Variants in HIVEP3 observed in about 807,000 individuals in gnomAD.
The protein encoded by HIVEP3 is transcription factor HIVEP3.
In HIVEP3, 49 loss-of-function variants were observed where a neutral mutation model predicts 152.8. The ratio of observed to expected loss-of-function variants is 0.32; its 90% CI spans 0.26 to 0.41. The LOEUF is 0.41. Ranked by LOEUF, HIVEP3 falls within the 10% of genes least tolerant of loss-of-function variation. The probability of loss-of-function intolerance (pLI) is 1.00; values close to 1 mark genes in which losing one functional copy is unlikely to be tolerated. For missense variants in HIVEP3, 2,790 were observed against 3,103.3 expected (o/e 0.90, Z 2.40); for synonymous variants, 1,269 against 1,289.0 (o/e 0.98, Z 0.33).
In HIVEP3 at chr1:41,580,906, C is replaced by T; in HGVS notation, c.3892G>A (p.Ala1298Thr). 1 of 1,612,592 alleles carries T rather than the reference C, an allele frequency of 6.2e-7. No homozygotes were observed. The highest frequency in any genetic ancestry group is 8.5e-7 in the Non-Finnish European group (1 of 1,179,422). ...GCCAGTGGAGGAGCTGATGTAGGTG[C>T]TGAGGAGCTGGCTGGGGGAGCCACA... ...PPVAPPASSS[A>T]PTSAPPLALP... Residue 1298 changes from alanine (A) to threonine (T), a missense_variant, in exon 4 of 9, where the codon GCA (alanine) becomes ACA (threonine). By Grantham distance (58) the Ala-to-Thr change is moderately conservative. Around this residue, in one of 9 missense-constraint regions of HIVEP3, gnomAD observed 1,078 missense variants for 1,165.3 expected, o/e 0.93. Transcript: ENST00000372583.
At chr1:41,811,750 A>G (rs1650974686) in intron 1 of HIVEP3, among the ~76,000 whole-genome samples, 1 of 152,112 alleles carries the variant, frequency 6.6e-6, no homozygotes, top group Non-Finnish European at 1.5e-5. Context: ...ATTTGGAGGC[A>G]TAAAGTCAGG....
intron 1 of HIVEP3, among the ~76,000 whole-genome samples, chr1:41,969,060 G>A (rs1036358612): frequency 9.9e-5 from 15 of 152,030 alleles, no homozygotes; most frequent in African/African-American, 3.4e-4. Flanking sequence ...AAATCAGAGA[G>A]GACAAAAACA....
At position 41,849,863 on chromosome 1, in the gene HIVEP3, G is replaced by A. The variant is rs112762681; in HGVS notation, c.-801+68550C>T. ...GCACCACCATGCCCAGCTAATTTTT[G>A]TATTTTTAGTAGACATGGGGTTTCA... On this transcript the variant is annotated intron_variant, in intron 1 of 8. Coordinates refer to ENST00000372583, the MANE Select transcript of HIVEP3 (RefSeq NM_024503.5). 3.0e-4 allele frequency among the ~76,000 whole-genome samples: 46 copies of A among 152,086 alleles called. 2 individuals are homozygous for A. Among genetic ancestry groups the A allele is most frequent in the African/African-American group, 1.1e-3 (44 of 41,502 alleles).
At chr1:41,734,354 C>T (rs934637224) in intron 1 of HIVEP3, among the ~76,000 whole-genome samples, 12 of 152,226 alleles carry the variant, frequency 7.9e-5, no homozygotes, top group African/African-American at 2.4e-4. Context: ...CCAGCTGGCA[C>T]GCACATGGCC....
intron 2 of HIVEP3, among the ~76,000 whole-genome samples, chr1:41,660,167 G>A (rs570152523): frequency 3.3e-5 from 5 of 152,238 alleles, no homozygotes; most frequent in African/African-American, 1.2e-4. Context: ...GTGTTTGAGT[G>A]TGTAAGAGTG....
chr1:41,943,155 C>T (rs183941836), intron 1 of HIVEP3, among the ~76,000 whole-genome samples: 3,134 of 152,190 alleles, frequency 0.021, 66 homozygotes, highest in Non-Finnish European at 0.025. Context: ...ATCCACCTGC[C>T]TCGGCCTCCC....
At chr1:41,515,380 C>A (rs1196394188) in intron 7 of HIVEP3, among the ~76,000 whole-genome samples, 1 of 152,154 alleles carries the variant, frequency 6.6e-6, no homozygotes, top group Non-Finnish European at 1.5e-5. Flanking sequence ...AAAAGGAGGC[C>A]CCTGAGGCTA....
chr1:41,587,561 G>A (rs545616242), intron 3 of HIVEP3, among the ~76,000 whole-genome samples: 5 of 152,302 alleles, frequency 3.3e-5, no homozygotes, highest in South Asian at 4.1e-4. Context: ...TTTGCCTTAC[G>A]GCCAAAACTA....
At chr1:41,723,398 T>A (rs953060577) in intron 1 of HIVEP3, among the ~76,000 whole-genome samples, 3 of 151,820 alleles carry the variant, frequency 2.0e-5, no homozygotes, top group African/African-American at 7.3e-5. Context: ...GGGAACTCCA[T>A]GAAATACTAA....
Position 41,747,455 on chromosome 1 carries a change from A to G in HIVEP3, c.-800-46460T>C, listed in dbSNP as rs147629795. Among the ~76,000 whole-genome samples, 103 of 152,352 alleles carry G rather than the reference A, an allele frequency of 6.8e-4. No homozygotes were observed. The East Asian group carries it at 0.013, about 19-fold the overall frequency. On this transcript the variant is annotated intron_variant, in intron 1 of 8. Coordinates refer to ENST00000372583, the MANE Select transcript of HIVEP3 (RefSeq NM_024503.5). Reference sequence around the variant, plus strand: ...TCTGGCAGGGGGATGAGGAAAGTGGAAAGAATCCATTTTTTCCTGATTATA... The same window carrying G: ...TCTGGCAGGGGGATGAGGAAAGTGGGAAGAATCCATTTTTTCCTGATTATA...
At chr1:42,021,222 G>A (rs1645551800) in intron 1 of HIVEP3, among the ~76,000 whole-genome samples, 1 of 152,176 alleles carries the variant, frequency 6.6e-6, no homozygotes, top group Non-Finnish European at 1.5e-5. Context: ...ATCCAAGCAA[G>A]AGATGGTGCT....
chr1:41,558,143 C>A (rs973782773), intron 5 of HIVEP3, among the ~76,000 whole-genome samples: 1 of 152,188 alleles, frequency 6.6e-6, no homozygotes, highest in Non-Finnish European at 1.5e-5. Context: ...GAGGGAGTGG[C>A]CTCTCAGGTG....
intron 3 of HIVEP3, among the ~76,000 whole-genome samples, chr1:41,590,839 C>T (rs148124910): frequency 1.7e-3 from 266 of 152,254 alleles, no homozygotes; most frequent in Admixed American, 3.3e-3. Context: ...CCCATGCATG[C>T]GGCAACACAG....
chr1:41,715,894 G>A (rs979788854), intron 1 of HIVEP3, among the ~76,000 whole-genome samples: 4 of 152,214 alleles, frequency 2.6e-5, no homozygotes, highest in African/African-American at 9.6e-5. Context: ...GAAAGCCACA[G>A]AGGAACTTGC....
At chr1:41,989,715 G>GAA (rs141136479) in intron 1 of HIVEP3, among the ~76,000 whole-genome samples, 4 of 151,198 alleles carry the variant, frequency 2.6e-5, no homozygotes, top group East Asian at 1.9e-4. Context: ...CTCAGCAAAA[G>GAA]AAAAAAAAAT....
At chr1:41,796,232 T>G (rs1333147795) in intron 1 of HIVEP3, among the ~76,000 whole-genome samples, 6 of 152,228 alleles carry the variant, frequency 3.9e-5, no homozygotes, top group Non-Finnish European at 7.3e-5. Context: ...GTCTGGAATC[T>G]CCATTTCCCA....
intron 1 of HIVEP3, among the ~76,000 whole-genome samples, chr1:41,715,759 G>A (rs972737671): frequency 6.6e-6 from 1 of 152,220 alleles, no homozygotes; most frequent in African/African-American, 2.4e-5. Flanking sequence ...TTAGGACTAT[G>A]GTTGGGCCTC....
chr1:41,839,204 GAGA>G (rs1182194609), intron 1 of HIVEP3, among the ~76,000 whole-genome samples: 1 of 152,106 alleles, frequency 6.6e-6, no homozygotes, highest in South Asian at 2.1e-4. Context: ...GTGGAGCCCT[GAGA>G]AGGTCTCTGG....
chr1:41,746,667 T>G (rs1647076849), intron 1 of HIVEP3, among the ~76,000 whole-genome samples: 1 of 152,140 alleles, frequency 6.6e-6, no homozygotes, highest in South Asian at 2.1e-4. Flanking sequence ...CATGGGGCAA[T>G]GGCACTTAGC....
Sources: gnomAD v4.1 joint callset for allele counts (sites outside exome capture counted in the v4.1 genomes callset) on GRCh38, gnomAD v4.1.1 for gene constraint, gnomAD v4.1.1 regional missense constraint, MANE v1.5 for transcripts, NCBI Gene and HGNC (gene_info 2026-07-23, HGNC 2026-07-21) for gene names.